ANKRD26: variants seen among roughly 807,000 people sequenced by gnomAD.
ANKRD26 encodes ankyrin repeat domain-containing protein 26.
Under a neutral mutation model 208.7 loss-of-function variants are expected in ANKRD26, and 141 were observed. The ratio of observed to expected loss-of-function variants is 0.68; its 90% CI spans 0.59 to 0.78. The LOEUF (loss-of-function observed/expected upper bound fraction) is 0.78, where lower values mean the gene tolerates loss of function less well. Among genes scored for constraint, ANKRD26 ranks in the 30% least tolerant of loss-of-function variants. The pLI is 0.00. For missense variants in ANKRD26, 1,889 were observed against 1,938.7 expected, an observed-to-expected ratio of 0.97 and a Z score of 0.48; for synonymous variants, 636 against 660.4, an observed-to-expected ratio of 0.96 and a Z score of 0.57.
intron 15 of ANKRD26, among the ~76,000 whole-genome samples, chr10:27,055,771 G>A (rs552637137): frequency 6.6e-6 from 1 of 152,184 alleles, no homozygotes; most frequent in South Asian, 2.1e-4. Flanking sequence ...CCACTAATAC[G>A]GGGCAGTCCA....
chr10:26,980,082 G>A (rs1029752208), intron 5 of ANKRD26, among the ~76,000 whole-genome samples: 13 of 152,110 alleles, frequency 8.5e-5, no homozygotes, highest in Admixed American at 1.3e-4. Context: ...TTTAATAAGC[G>A]CCATTTTTAT....
chr10:27,064,497 T>C (rs2055171833), intron 11 of ANKRD26, among the ~76,000 whole-genome samples: 1 of 152,154 alleles, frequency 6.6e-6, no homozygotes, highest in Non-Finnish European at 1.5e-5. Flanking sequence ...AAAAAGTGTA[T>C]TTTAAAAAAT....
intron 5 of ANKRD26, among the ~76,000 whole-genome samples, chr10:26,980,251 A>G (rs1047794808): frequency 1.3e-5 from 2 of 152,344 alleles, no homozygotes; most frequent in East Asian, 1.9e-4. Context: ...TATAATTAAC[A>G]GAGCAGTGGC....
intron 1 of ANKRD26, among the ~76,000 whole-genome samples, chr10:27,099,577 C>T (rs999646197): frequency 6.9e-6 from 1 of 145,152 alleles, no homozygotes; most frequent in Admixed American, 7.0e-5. Context: ...GGGGGGGTCT[C>T]GCTATAATGC....
chr10:26,985,257 G>C (rs1441877825), intron 3 of ANKRD26, among the ~76,000 whole-genome samples: 1 of 152,142 alleles, frequency 6.6e-6, no homozygotes, highest in Non-Finnish European at 1.5e-5. Context: ...AACACATGGA[G>C]AGTAAATATT....
chr10:27,032,953 TAGTCCCAGCTACTCG>T (rs1467655243), intron 25 of ANKRD26, among the ~76,000 whole-genome samples: 1 of 151,510 alleles, frequency 6.6e-6, no homozygotes, highest in Non-Finnish European at 1.5e-5. Context: ...TAGGTGCCTG[TAGTCCCAGCTACTCG>T]GGAGGCTGAG....
At chr10:27,092,740 A>G (rs779623232) in intron 3 of ANKRD26, among the ~76,000 whole-genome samples, 2 of 152,138 alleles carry the variant, frequency 1.3e-5, no homozygotes, top group Non-Finnish European at 2.9e-5. Context: ...CTTCTATCAC[A>G]TCATTTGGCA....
chr10:27,094,828 C>T (rs1397738578), intron 1 of ANKRD26, among the ~76,000 whole-genome samples: 1 of 152,020 alleles, frequency 6.6e-6, no homozygotes, highest in Non-Finnish European at 1.5e-5. Context: ...TAGTGAGACT[C>T]CATCTCTATA....
At chr10:27,086,238 A>G (rs905361480) in intron 5 of ANKRD26, among the ~76,000 whole-genome samples, 5 of 151,218 alleles carry the variant, frequency 3.3e-5, no homozygotes, top group Non-Finnish European at 5.9e-5. Context: ...TTATAAAGGA[A>G]ACACATAACA....
the ANKRD26 span, among the ~76,000 whole-genome samples, chr10:26,955,438 A>T: frequency 0.14 from 19,856 of 145,900 alleles, 1,865 homozygotes; most frequent in East Asian, 0.49. Context: ...CAAAAAAAAA[A>T]ATATATATAT....
chr10:27,075,526 G>A (rs1013449258), intron 9 of ANKRD26, among the ~76,000 whole-genome samples: 2 of 152,050 alleles, frequency 1.3e-5, no homozygotes, highest in African/African-American at 4.8e-5. Context: ...TAAAAGGATC[G>A]ATTCAACAAG....
intron 4 of ANKRD26, among the ~76,000 whole-genome samples, 173 bp downstream of exon 4, chr10:27,092,233 T>C (rs112107045): frequency 2.0e-5 from 3 of 152,182 alleles, no homozygotes; most frequent in African/African-American, 7.2e-5. Context: ...CCCATAATTA[T>C]GTTAACCTTC....
rs145907938 is a variant in ANKRD26 at position 27,025,776 on chromosome 10, G to T, written c.3973-1217C>A. Among the ~76,000 whole-genome samples, 17 of 152,068 alleles carry T rather than the reference G, an allele frequency of 1.1e-4. No individual in the cohort carries two copies. In the East Asian group the frequency reaches 3.3e-3, roughly 29 times the overall value. Reference sequence around the variant, plus strand: ...CTCTAAGAGCTCCTTAAATCTCAAGGCTTCATCCCAGATTCCCTAATCTAG... The same window carrying T: ...CTCTAAGAGCTCCTTAAATCTCAAGTCTTCATCCCAGATTCCCTAATCTAG... On this transcript the variant is annotated intron_variant, in intron 27 of 33. Transcript: ENST00000376087.
At chr10:27,046,813 A>C (rs1172943105) in intron 17 of ANKRD26, among the ~76,000 whole-genome samples, 1 of 152,172 alleles carries the variant, frequency 6.6e-6, no homozygotes, top group Non-Finnish European at 1.5e-5. Context: ...AAAATGTGAT[A>C]TGTAAGGTTG....
Position 27,064,066 on chromosome 10 carries a change from A to G in ANKRD26, c.1285T>C (p.Phe429Leu), listed in dbSNP as rs369093814. 3.1e-6 allele frequency: 5 copies of G among 1,609,952 alleles called. No homozygotes were observed. The African/African-American group carries it at 6.7e-5, about 22-fold the overall frequency. ...AAAGGATCAACATACTTCTGTGGAA[A>G]ATTCTCAGAGATACTCTGTTAAAAT... is the stretch of plus-strand genomic sequence containing the variant. ...PWDSESISENFPQKYVDPLAG... is the reference protein window; with the variant it reads ...PWDSESISENLPQKYVDPLAG... The change falls in exon 12 of 34, where the codon TTT (phenylalanine) becomes CTT (leucine). Residue 429 changes from phenylalanine (F) to leucine (L), a missense_variant. This residue lies in a region of ANKRD26 where 1,272 missense variants were observed against 1,273.8 expected (regional missense o/e 1.00). Transcript: ENST00000376087.
Position 27,022,496 on chromosome 10 carries a change from G to C in ANKRD26, c.4215+62C>G, listed in dbSNP as rs967100998. On this transcript the variant is annotated intron_variant, in intron 29 of 33. Coordinates refer to ENST00000376087, the MANE Select transcript of ANKRD26 (RefSeq NM_014915.3). The stretch of plus-strand genomic sequence containing the variant: ...TCTTTATTTCACTGTTCAAAGCATT[G>C]AGAAGTCTATATTTCCCAAAATTAA... 10 of 1,275,494 alleles carry C rather than the reference G, an allele frequency of 7.8e-6. No individual in the cohort carries two copies. In the South Asian group the frequency reaches 1.2e-4, roughly 15 times the overall value. 79.0% of individuals were successfully genotyped at this position (1,275,494 alleles called of 1,614,324 possible). A position where few individuals can be genotyped will look rare whatever the true frequency, so the allele number is the denominator to read the frequency against.
In ANKRD26 at chr10:27,100,290, AG is replaced by A; in HGVS notation, c.36del (p.Leu13TrpfsTer61). On this transcript the variant is annotated frameshift_variant, in exon 1 of 34. Transcript: ENST00000376087. LOFTEE classifies it high-confidence loss of function. ...CTCTGCCGCCGCGCGAAGGAGCCCA[AG>A]GGCGACTCGCCCTTCTTACTAAAAA... is the stretch of plus-strand genomic sequence containing the variant. Reference protein sequence around the residue: ...KKIFSKKGESPLGSFARRQRS... With the variant: ...KKIFSKKGESXLGSFARRQRS... The A allele has an allele frequency of 6.2e-7, 1 of 1,610,082 alleles. No individual in the cohort carries two copies. The highest frequency in any genetic ancestry group is 8.5e-7 in the Non-Finnish European group (1 of 1,179,554).
Position 27,092,444 on chromosome 10 carries a change from C to G in ANKRD26, c.600G>C (p.Lys200Asn), listed in dbSNP as rs768173771. The G allele has an allele frequency of 3.7e-6, 6 of 1,613,256 alleles. No individual in the cohort carries two copies. Among genetic ancestry groups the G allele is most frequent in the Non-Finnish European group, 3.4e-6 (4 of 1,179,734 alleles). ...CTACTGCATTTACATTTGCTTTTTT[C>G]TTTATTAAAAATTCCACCATTTGCT... ...KKQQMVEFLI[K>N]KKANVNAVDK... Residue 200 changes from lysine (K) to asparagine (N), a missense_variant, in exon 4 of 34, where the codon AAG becomes AAC. Lys to Asn is a moderately conservative substitution (Grantham distance 94). Around this residue, in one of 3 missense-constraint regions of ANKRD26, gnomAD observed 1,272 missense variants for 1,273.8 expected, o/e 1.00. Transcript: ENST00000376087.
At chr10:26,990,847 A>G (rs2052473754), downstream of ANKRD26, among the ~76,000 whole-genome samples, 1 of 152,240 alleles carries the variant, frequency 6.6e-6, no homozygotes, top group African/African-American at 2.4e-5. Flanking sequence ...CACTGATCAC[A>G]CCAATTATGC....
Sources: gnomAD v4.1 joint callset for allele counts (sites outside exome capture counted in the v4.1 genomes callset) on GRCh38, gnomAD v4.1.1 for gene constraint, gnomAD v4.1.1 regional missense constraint, MANE v1.5 for transcripts, NCBI Gene and HGNC (gene_info 2026-07-23, HGNC 2026-07-21) for gene names.